The following OPHN1 variants were observed in gnomAD, a reference collection of about 807,000 sequenced individuals.
The protein encoded by OPHN1 is oligophrenin-1.
In OPHN1, 11 loss-of-function variants were observed where a neutral mutation model predicts 60.7. That is an observed-to-expected ratio of 0.18 (90% CI 0.11 to 0.30). The LOEUF is 0.30. OPHN1 is among the 10% of genes least tolerant of loss of function. OPHN1 has a pLI of 1.00. For synonymous variants in OPHN1, 226 were observed against 222.6 expected, an observed-to-expected ratio of 1.02 and a Z score of -0.14; for missense variants, 449 against 611.0, an observed-to-expected ratio of 0.73 and a Z score of 2.80.
intron 15 of OPHN1, among the ~76,000 whole-genome samples, chrX:68,141,111 C>T (rs1282593559): frequency 9.0e-6 from 1 of 111,583 alleles, no homozygotes; most frequent in Non-Finnish European, 1.9e-5. Context: ...AACACTTGGC[C>T]ATCCACAGAC....
At chrX:68,328,033 G>T (rs1324108018) in intron 2 of OPHN1, among the ~76,000 whole-genome samples, 1 of 99,750 alleles carries the variant, frequency 1.0e-5, no homozygotes, top group East Asian at 3.1e-4. Flanking sequence ...GTTTCACCTT[G>T]TTAGCCAGGA....
intron 11 of OPHN1, among the ~76,000 whole-genome samples, chrX:68,198,071 C>T (rs1042540097): frequency 5.4e-5 from 6 of 110,970 alleles, no homozygotes; most frequent in African/African-American, 1.6e-4. Context: ...CACACGGCTT[C>T]GAACCCTGTT....
At chrX:68,052,427 CAG>C (rs2076855989) in intron 23 of OPHN1, 111 bp downstream of exon 23, 2 of 696,888 alleles carry the variant, frequency 2.9e-6, no homozygotes, top group South Asian at 4.6e-5. Context: ...CAGACAGAGA[CAG>C]AGCTGTAGAG....
intron 16 of OPHN1, 144 bp from the exon 17 acceptor site, chrX:68,113,383 G>A (rs897886777): frequency 8.7e-5 from 44 of 504,429 alleles, no homozygotes; most frequent in Non-Finnish European, 1.5e-4. Flanking sequence ...CTGAAGCTTC[G>A]TCAGGGAATC....
At chrX:68,168,119 C>A (rs1186895951) in intron 15 of OPHN1, among the ~76,000 whole-genome samples, 35 of 110,287 alleles carry the variant, frequency 3.2e-4, no homozygotes, top group Non-Finnish European at 6.1e-4. Flanking sequence ...ACAAGGATAC[C>A]CAGGAATTGA....
intron 5 of OPHN1, among the ~76,000 whole-genome samples, chrX:68,252,448 A>G (rs1278070298): frequency 8.9e-6 from 1 of 111,873 alleles, no homozygotes; most frequent in East Asian, 2.8e-4. Flanking sequence ...ATCTACCAAC[A>G]ATTTCCCATT....
At chrX:68,135,299 A>C (rs2077214765) in intron 15 of OPHN1, among the ~76,000 whole-genome samples, 1 of 112,199 alleles carries the variant, frequency 8.9e-6, no homozygotes, top group African/African-American at 3.2e-5. Flanking sequence ...AAAAATACTT[A>C]AGCTATTTGT....
chrX:68,328,415 A>G (rs1370765162), intron 2 of OPHN1, among the ~76,000 whole-genome samples: 2 of 113,207 alleles, frequency 1.8e-5, no homozygotes, highest in African/African-American at 6.4e-5. Flanking sequence ...GGCGTGAGCC[A>G]CCGCGCCCAG....
chrX:68,246,997 T>A (rs972956911), intron 5 of OPHN1, among the ~76,000 whole-genome samples: 1 of 111,737 alleles, frequency 8.9e-6, no homozygotes, highest in African/African-American at 3.2e-5. Context: ...GGACTAAGTA[T>A]ACTCACCTTG....
At chrX:68,079,023 ATAAAG>A (rs1290302173) in intron 19 of OPHN1, among the ~76,000 whole-genome samples, 1 of 109,835 alleles carries the variant, frequency 9.1e-6, no homozygotes, top group Non-Finnish European at 1.9e-5. Context: ...AAATAAATAA[ATAAAG>A]TAAACAACTT....
At chrX:68,408,147 T>C (rs111406199) in intron 2 of OPHN1, among the ~76,000 whole-genome samples, 3 of 112,597 alleles carry the variant, frequency 2.7e-5, no homozygotes, top group Non-Finnish European at 3.7e-5. Flanking sequence ...CACTTCATCA[T>C]TGTGACAACA....
At chrX:68,304,518 T>TATAA (rs2078136255) in intron 2 of OPHN1, among the ~76,000 whole-genome samples, 1 of 111,775 alleles carries the variant, frequency 8.9e-6, no homozygotes, top group African/African-American at 3.2e-5. Flanking sequence ...ATGACTAAAC[T>TATAA]ATAAGATTTC....
intron 21 of OPHN1, among the ~76,000 whole-genome samples, chrX:68,057,075 T>C (rs1439349660): frequency 4.5e-5 from 5 of 111,691 alleles, no homozygotes; most frequent in Non-Finnish European, 9.4e-5. Flanking sequence ...GTTCTACAGC[T>C]GAGGAAACAG....
At chrX:68,101,455 T>C (rs1159138071) in intron 18 of OPHN1, among the ~76,000 whole-genome samples, 2 of 112,202 alleles carry the variant, frequency 1.8e-5, no homozygotes, top group African/African-American at 6.5e-5. Context: ...TTAGAACTGA[T>C]GAAATTTGGT....
chrX:68,189,504 C>T (rs889125652), intron 15 of OPHN1, among the ~76,000 whole-genome samples: 5 of 106,389 alleles, frequency 4.7e-5, no homozygotes, highest in African/African-American at 1.7e-4. Context: ...ATCCCTCCCA[C>T]CTCCCCCAAC....
At chrX:68,425,906 G>A (rs2078852933) in intron 2 of OPHN1, among the ~76,000 whole-genome samples, 1 of 92,429 alleles carries the variant, frequency 1.1e-5, no homozygotes, top group African/African-American at 4.1e-5. Context: ...TCTGCTCACT[G>A]TAACCTCTCT....
chrX:68,403,688 C>T (rs1019157465), intron 2 of OPHN1, among the ~76,000 whole-genome samples: 4 of 110,116 alleles, frequency 3.6e-5, no homozygotes, highest in African/African-American at 6.6e-5. Flanking sequence ...CTCACAGAGC[C>T]GTGCCAATTG....
At chrX:68,260,394 T>TG in intron 5 of OPHN1, among the ~76,000 whole-genome samples, 1 of 110,941 alleles carries the variant, frequency 9.0e-6, no homozygotes, top group Non-Finnish European at 1.9e-5. Context: ...AATGTATATA[T>TG]CCATTGAACT....
intron 15 of OPHN1, among the ~76,000 whole-genome samples, chrX:68,128,985 A>G (rs908800524): frequency 8.9e-6 from 1 of 112,289 alleles, no homozygotes; most frequent in Non-Finnish European, 1.9e-5. Flanking sequence ...TGGAACATGG[A>G]CAATTAACTA....
Sources: gnomAD v4.1 joint callset for allele counts (sites outside exome capture counted in the v4.1 genomes callset) on GRCh38, gnomAD v4.1.1 for gene constraint, MANE v1.5 for transcripts, NCBI Gene and HGNC (gene_info 2026-07-23, HGNC 2026-07-21) for gene names.